ZNF365: variants seen among roughly 807,000 people sequenced by gnomAD.
ZNF365 encodes protein ZNF365.
In ZNF365, 22 loss-of-function variants were observed where a neutral mutation model predicts 35.0. The ratio of observed to expected loss-of-function variants is 0.63; its 90% CI spans 0.45 to 0.90. The LOEUF (loss-of-function observed/expected upper bound fraction) is 0.90, where lower values mean the gene tolerates loss of function less well. Among genes scored for constraint, ZNF365 ranks in the 40% least tolerant of loss-of-function variants. ZNF365 has a pLI of 0.00. For missense variants in ZNF365, 448 were observed against 500.3 expected (o/e 0.90, Z 1.00); for synonymous variants, 188 against 196.2 (o/e 0.96, Z 0.35).
intron 3 of ZNF365, among the ~76,000 whole-genome samples, chr10:62,418,381 C>A (rs1220724545): frequency 2.0e-5 from 3 of 151,862 alleles, no homozygotes; most frequent in African/African-American, 7.3e-5. Context: ...TTATAGGAGG[C>A]CATTGTGTGA....
At chr10:62,419,708 G>A (rs1840136345) in intron 3 of ZNF365, among the ~76,000 whole-genome samples, 1 of 152,124 alleles carries the variant, frequency 6.6e-6, no homozygotes, top group Non-Finnish European at 1.5e-5. Flanking sequence ...GCTCAAAGCG[G>A]GGAGTAGGGT....
chr10:62,403,269 G>T (rs1198758818), downstream of ZNF365, among the ~76,000 whole-genome samples: 2 of 152,176 alleles, frequency 1.3e-5, no homozygotes, highest in African/African-American at 4.8e-5. Context: ...CATCATAGAG[G>T]ACTTCATCGT....
downstream of ZNF365, among the ~76,000 whole-genome samples, chr10:62,407,039 G>A (rs1839915714): frequency 6.6e-6 from 1 of 152,214 alleles, no homozygotes; most frequent in African/African-American, 2.4e-5. Flanking sequence ...ATGGAACCAG[G>A]CAGAGCACTG....
At chr10:62,378,646 G>T (rs1839376669) in intron 2 of ZNF365, among the ~76,000 whole-genome samples, 1 of 152,216 alleles carries the variant, frequency 6.6e-6, no homozygotes, top group Admixed American at 6.5e-5. Flanking sequence ...GTCCTTCAGA[G>T]ACAGCCACTG....
intron 1 of ZNF365, 139 bp from the exon 2 acceptor site, chr10:62,376,042 G>T: frequency 1.1e-6 from 1 of 907,652 alleles, no homozygotes; most frequent in Non-Finnish European, 1.7e-6. Flanking sequence ...TGGGCTGTAG[G>T]TTTTAAGTGC....
At chr10:62,425,827 A>G (rs139384723) in intron 3 of ZNF365, among the ~76,000 whole-genome samples, 176 of 152,350 alleles carry the variant, frequency 1.2e-3, no homozygotes, top group African/African-American at 4.1e-3. Context: ...GACAAGGTCT[A>G]TGAAGGCAGG....
At chr10:62,472,926 G>T (rs1404519305) in intron 4 of ZNF365, among the ~76,000 whole-genome samples, 2 of 152,146 alleles carry the variant, frequency 1.3e-5, no homozygotes, top group Non-Finnish European at 2.9e-5. Flanking sequence ...AGTCTCCTCA[G>T]CTGGTTGCCT....
At chr10:62,441,324 G>A (rs1447876791) in intron 3 of ZNF365, among the ~76,000 whole-genome samples, 3 of 152,120 alleles carry the variant, frequency 2.0e-5, no homozygotes, top group East Asian at 3.8e-4. Flanking sequence ...TGTTCATGAA[G>A]CCTTCTTTGA....
At chr10:62,407,981 G>A (rs924490814) in intron 3 of ZNF365, among the ~76,000 whole-genome samples, 4 of 151,972 alleles carry the variant, frequency 2.6e-5, no homozygotes, top group Non-Finnish European at 4.4e-5. Flanking sequence ...CACTAAACTA[G>A]TGATAATTTG....
intron 3 of ZNF365, among the ~76,000 whole-genome samples, chr10:62,447,141 G>A (rs1840603083): frequency 6.6e-6 from 1 of 152,154 alleles, no homozygotes; most frequent in South Asian, 2.1e-4. Flanking sequence ...CAGAGAGTCA[G>A]AGAGAAAGAA....
intron 4 of ZNF365, among the ~76,000 whole-genome samples, chr10:62,469,989 T>G (rs901965256): frequency 5.3e-5 from 8 of 152,258 alleles, no homozygotes; most frequent in Non-Finnish European, 8.8e-5. Flanking sequence ...GTGTATATAT[T>G]GTATCATAAT....
rs552013777 is a variant in ZNF365, at chr10:62,446,416, A to G, written c.925-13325A>G. ...TGGAAATATTAATAGAAACCACATCATTAGGTAGTTGAGAATATTAAATGA... is the reference window on the plus strand; with the variant it reads ...TGGAAATATTAATAGAAACCACATCGTTAGGTAGTTGAGAATATTAAATGA... On this transcript the variant is annotated intron_variant, in intron 3 of 4. Transcript: ENST00000395255. 2.0e-5 allele frequency among the ~76,000 whole-genome samples: 3 copies of G among 152,310 alleles called. No homozygotes were observed. The South Asian group carries it at 6.2e-4, about 32-fold the overall frequency.
intron 2 of ZNF365, among the ~76,000 whole-genome samples, chr10:62,384,107 CT>C (rs79894933): frequency 0.57 from 82,505 of 144,106 alleles, 24,016 homozygotes; most frequent in East Asian, 0.77. Context: ...AATATTTGGC[CT>C]TTTTTTTTTT....
chr10:62,384,346 C>A (rs560249492), intron 2 of ZNF365, among the ~76,000 whole-genome samples: 97 of 152,192 alleles, frequency 6.4e-4, no homozygotes, highest in Non-Finnish European at 8.8e-4. Context: ...TCATATTATT[C>A]TTCTTCTTAG....
chr10:62,470,177 A>G (rs1841011044), intron 4 of ZNF365, among the ~76,000 whole-genome samples: 1 of 152,220 alleles, frequency 6.6e-6, no homozygotes, highest in African/African-American at 2.4e-5. Context: ...TCCAGGAAAC[A>G]TCAGTAAGGT....
intron 3 of ZNF365, among the ~76,000 whole-genome samples, chr10:62,443,870 A>T (rs1015089713): frequency 1.3e-5 from 2 of 152,256 alleles, no homozygotes; most frequent in South Asian, 4.2e-4. Context: ...AAAAAAAATT[A>T]AGCCAGGCCT....
chr10:62,466,076 C>T (rs1840938277), intron 4 of ZNF365, among the ~76,000 whole-genome samples: 1 of 152,192 alleles, frequency 6.6e-6, no homozygotes, highest in South Asian at 2.1e-4. Flanking sequence ...ACATATCCAC[C>T]ACTCTGTGCA....
At chr10:62,477,779 C>A (rs1403371548) in intron 4 of ZNF365, among the ~76,000 whole-genome samples, 1 of 152,072 alleles carries the variant, frequency 6.6e-6, no homozygotes. Context: ...ACATGGTGAC[C>A]CATGTCTCTC....
intron 3 of ZNF365, among the ~76,000 whole-genome samples, chr10:62,424,897 T>C (rs1391358783): frequency 6.6e-6 from 1 of 152,204 alleles, no homozygotes; most frequent in Non-Finnish European, 1.5e-5. Flanking sequence ...TGTAATTATC[T>C]TGTGGAACCA....
Sources: gnomAD v4.1 joint callset for allele counts (sites outside exome capture counted in the v4.1 genomes callset) on GRCh38, gnomAD v4.1.1 for gene constraint, MANE v1.5 for transcripts, NCBI Gene and HGNC (gene_info 2026-07-23, HGNC 2026-07-21) for gene names.